Variants in SEMA3A observed in about 807,000 individuals in gnomAD.
SEMA3A encodes the protein semaphorin 3A.
SEMA3A carries 29 observed loss-of-function variants against 97.9 expected under a neutral mutation model. That is an observed-to-expected ratio of 0.30 (90% CI 0.22 to 0.40). The LOEUF (loss-of-function observed/expected upper bound fraction) is 0.40. Ranked by LOEUF, SEMA3A falls within the 10% of genes least tolerant of loss-of-function variation. The pLI is 1.00. For missense variants in SEMA3A, 763 were observed against 951.3 expected, an observed-to-expected ratio of 0.80 and a Z score of 2.60; for synonymous variants, 321 against 323.7, an observed-to-expected ratio of 0.99 and a Z score of 0.09.
chr7:84,250,380 G>C (rs1799580078), intron 3 of SEMA3A, among the ~76,000 whole-genome samples: 1 of 151,876 alleles, frequency 6.6e-6, no homozygotes, highest in African/African-American at 2.4e-5. Context: ...TGGCTACTGT[G>C]CAAGTCAAAA....
intron 1 of SEMA3A, among the ~76,000 whole-genome samples, chr7:84,396,341 CAATAT>C (rs1433838880): frequency 1.3e-5 from 2 of 150,844 alleles, no homozygotes; most frequent in Non-Finnish European, 3.0e-5. Context: ...TTATAATATG[CAATAT>C]AATAATAGTA....
intron 12 of SEMA3A, 60 bp from the exon 13 acceptor site, chr7:83,985,537 T>A: frequency 7.3e-7 from 1 of 1,368,104 alleles, no homozygotes; most frequent in Non-Finnish European, 1.0e-6. Flanking sequence ...AGCTATTAGT[T>A]AATTAACTCA....
chr7:84,484,393 G>C (rs1806522257), intron 1 of SEMA3A, among the ~76,000 whole-genome samples: 2 of 151,932 alleles, frequency 1.3e-5, no homozygotes, highest in Admixed American at 6.6e-5. Context: ...TTTGTAATAA[G>C]AGCTTTTTTT....
At chr7:84,193,578 G>A (rs1798117166) in intron 1 of SEMA3A, among the ~76,000 whole-genome samples, 1 of 151,872 alleles carries the variant, frequency 6.6e-6, no homozygotes, top group Non-Finnish European at 1.5e-5. Flanking sequence ...AAGATTTACT[G>A]CCACTAAATG....
chr7:84,249,410 T>TCTATCTAC (rs1187787266), intron 3 of SEMA3A, among the ~76,000 whole-genome samples: 1 of 151,770 alleles, frequency 6.6e-6, no homozygotes, highest in East Asian at 1.9e-4. Context: ...TATCTATCTA[T>TCTATCTAC]CTATCTATCA....
intron 12 of SEMA3A, among the ~76,000 whole-genome samples, chr7:83,990,008 T>C (rs1356407925): frequency 2.0e-5 from 3 of 152,028 alleles, no homozygotes; most frequent in Non-Finnish European, 4.4e-5. Flanking sequence ...ATGATTGTCA[T>C]TCTAACTGGT....
intron 12 of SEMA3A, among the ~76,000 whole-genome samples, chr7:83,999,452 T>C (rs538286295): frequency 6.6e-6 from 1 of 152,174 alleles, no homozygotes; most frequent in East Asian, 1.9e-4. Flanking sequence ...AAAAACCTTA[T>C]TTTTACAATG....
chr7:84,262,540 T>C (rs1312924894), intron 3 of SEMA3A, among the ~76,000 whole-genome samples: 1 of 152,208 alleles, frequency 6.6e-6, no homozygotes, highest in Non-Finnish European at 1.5e-5. Context: ...TACTAATATA[T>C]TTATTCAGTG....
At chr7:84,434,256 T>C (rs1212587528) in intron 1 of SEMA3A, among the ~76,000 whole-genome samples, 2 of 148,118 alleles carry the variant, frequency 1.4e-5, no homozygotes, top group Non-Finnish European at 1.5e-5. Context: ...AACTAGAAAA[T>C]ATAGAGGAAA....
chr7:84,288,274 A>T (rs1157442515), intron 3 of SEMA3A, among the ~76,000 whole-genome samples: 2 of 152,132 alleles, frequency 1.3e-5, no homozygotes, highest in South Asian at 2.1e-4. Flanking sequence ...ATTTTAAGTA[A>T]ATTTTTCTAA....
At chr7:84,392,900 A>G (rs1803621730) in intron 1 of SEMA3A, among the ~76,000 whole-genome samples, 1 of 151,422 alleles carries the variant, frequency 6.6e-6, no homozygotes, top group Admixed American at 6.6e-5. Flanking sequence ...ATTTGTTTTC[A>G]GTCTATAGAG....
chr7:84,138,610 AAC>A (rs1271082949), intron 1 of SEMA3A, among the ~76,000 whole-genome samples: 1 of 152,086 alleles, frequency 6.6e-6, no homozygotes, highest in Non-Finnish European at 1.5e-5. Context: ...GTTACTTCTC[AAC>A]AGTTTGATTT....
intron 1 of SEMA3A, among the ~76,000 whole-genome samples, chr7:84,405,121 C>T (rs1395342507): frequency 6.6e-6 from 1 of 152,024 alleles, no homozygotes; most frequent in Non-Finnish European, 1.5e-5. Context: ...AGGGTCAAGA[C>T]CCATCAGTGT....
At chr7:83,962,778 T>A (rs1462088869) in intron 16 of SEMA3A, among the ~76,000 whole-genome samples, 1 of 152,158 alleles carries the variant, frequency 6.6e-6, no homozygotes, top group African/African-American at 2.4e-5. Context: ...ACTACTATCT[T>A]TTCCCAACCT....
At chr7:84,463,538 G>A (rs1003851135) in intron 1 of SEMA3A, among the ~76,000 whole-genome samples, 3 of 152,004 alleles carry the variant, frequency 2.0e-5, no homozygotes, top group Non-Finnish European at 2.9e-5. Context: ...GTGAGCCACC[G>A]CGCCTGGCGT....
chr7:84,199,204 T>A (rs1584116890), upstream of SEMA3A, among the ~76,000 whole-genome samples: 1 of 152,176 alleles, frequency 6.6e-6, no homozygotes, highest in Admixed American at 6.5e-5. Context: ...CAGAAAAGAA[T>A]ATAAGGAGAA....
intron 2 of SEMA3A, among the ~76,000 whole-genome samples, chr7:84,359,861 T>C (rs537096409): frequency 6.6e-6 from 1 of 152,200 alleles, no homozygotes; most frequent in African/African-American, 2.4e-5. Context: ...TCTGGTTTAG[T>C]CTTGGGAGGG....
intron 1 of SEMA3A, among the ~76,000 whole-genome samples, chr7:84,489,423 A>C (rs1411361831): frequency 1.3e-5 from 2 of 152,090 alleles, no homozygotes; most frequent in African/African-American, 4.8e-5. Context: ...CACATTCGTA[A>C]ATGAGAATAG....
At chr7:84,450,797 A>G (rs1033243879) in intron 1 of SEMA3A, among the ~76,000 whole-genome samples, 5 of 152,096 alleles carry the variant, frequency 3.3e-5, no homozygotes, top group Non-Finnish European at 5.9e-5. Context: ...TGGACTATTT[A>G]TTTGTCCTCT....
Sources: allele counts gnomAD v4.1 joint callset (sites outside exome capture counted in the v4.1 genomes callset), GRCh38; gene constraint gnomAD v4.1.1; transcripts MANE v1.5; gene names NCBI Gene and HGNC (gene_info 2026-07-23, HGNC 2026-07-21).